The following SERINC5 variants were observed in gnomAD, a reference collection of about 807,000 sequenced individuals.
The protein encoded by SERINC5 is serine incorporator 5.
Under a neutral mutation model 63.1 loss-of-function variants are expected in SERINC5, and 41 were observed. That is an observed-to-expected ratio of 0.65 (90% confidence interval 0.51 to 0.84). The LOEUF (loss-of-function observed/expected upper bound fraction) is 0.84. Ranked by LOEUF, SERINC5 falls within the 40% of genes least tolerant of loss-of-function variation. The pLI, the probability that SERINC5 is intolerant of heterozygous loss-of-function variation, is 0.00. For missense variants in SERINC5, 523 were observed against 573.0 expected, an observed-to-expected ratio of 0.91 and a Z score of 0.89; for synonymous variants, 222 against 215.2, an observed-to-expected ratio of 1.03 and a Z score of -0.28.
chr5:80,139,602 G>C lies in SERINC5; in HGVS notation c.*4061C>G. ...AGTTGTTGAGAAAGAAGAAAAGAGA[G>C]AGAGAGAGAAAGGTCTAAACATCTG... On this transcript the variant is annotated 3_prime_UTR_variant, in exon 12 of 12. Transcript: ENST00000507668. 1 of 985,224 alleles carries C rather than the reference G, an allele frequency of 1.0e-6. No homozygotes were observed. The highest frequency in any genetic ancestry group is 1.2e-6 in the Non-Finnish European group (1 of 829,856). The allele number at this position is 985,224 out of a possible 1,614,324, so 61.0% of individuals were successfully genotyped here. A position where few individuals can be genotyped will look rare whatever the true frequency, so the allele number is the denominator to read the frequency against.
chr5:80,221,975 G>C (rs1255001231), intron 1 of SERINC5, among the ~76,000 whole-genome samples: 1 of 151,860 alleles, frequency 6.6e-6, no homozygotes, highest in Non-Finnish European at 1.5e-5. Context: ...GGAGACATCA[G>C]CTCTACAAAA....
At chr5:80,194,945 C>T (rs1283465812) in intron 2 of SERINC5, among the ~76,000 whole-genome samples, 2 of 152,078 alleles carry the variant, frequency 1.3e-5, no homozygotes, top group African/African-American at 2.4e-5. Flanking sequence ...ACCTGTCAAA[C>T]GACAGGTTTG....
chr5:80,215,862 G>A (rs6878171), intron 1 of SERINC5, among the ~76,000 whole-genome samples: 100,063 of 151,988 alleles, frequency 0.66, 33,297 homozygotes, highest in African/African-American at 0.73. Context: ...TGGGGTTACA[G>A]TGGAGTCTGG....
chr5:80,139,107 A>T lies in SERINC5; in HGVS notation c.*4556T>A. ...ATTTCAAACAGTAGATTTACCACAC[A>T]TATTGCATTTTCAAATTCTAATGTA... On this transcript the variant is annotated 3_prime_UTR_variant, in exon 12 of 12. Transcript: ENST00000507668. The T allele has an allele frequency of 1.0e-6, 1 of 984,672 alleles. No homozygotes were observed. The highest frequency in any genetic ancestry group is 1.2e-6 in the Non-Finnish European group (1 of 829,192). 61.0% of individuals were successfully genotyped at this position (984,672 alleles called of 1,614,324 possible). A position where few individuals can be genotyped will look rare whatever the true frequency, so the allele number is the denominator to read the frequency against.
intron 8 of SERINC5, among the ~76,000 whole-genome samples, chr5:80,153,885 A>G (rs1393784277): frequency 6.6e-6 from 1 of 152,028 alleles, no homozygotes; most frequent in Non-Finnish European, 1.5e-5. Flanking sequence ...TCACACTGGC[A>G]GAAGAATGCA....
At chr5:80,166,582 T>C (rs2112374421) in intron 6 of SERINC5, 104 bp from the exon 7 acceptor site, 2 of 690,926 alleles carry the variant, frequency 2.9e-6, no homozygotes, top group South Asian at 1.7e-5. Flanking sequence ...AACTTGAGCA[T>C]CCACCTTTAA....
intron 8 of SERINC5, among the ~76,000 whole-genome samples, chr5:80,152,569 G>A (rs1356889376): frequency 6.6e-6 from 1 of 152,074 alleles, no homozygotes; most frequent in African/African-American, 2.4e-5. Flanking sequence ...TTTCACAGGG[G>A]AAAAGATAAG....
At position 80,243,556 on chromosome 5, in the gene SERINC5, A is replaced by G. The variant is rs1752039177; in HGVS notation, c.27+12340T>C. Among the ~76,000 whole-genome samples, 3 of 151,898 alleles carry G rather than the reference A, an allele frequency of 2.0e-5. No individual in the cohort carries two copies. In the South Asian group the frequency reaches 6.2e-4, roughly 32 times the overall value. ...GCTTCAGATGGGTCATTAAAAAAAA[A>G]CAGATGCCTTTTAAGGTATCTTCCA... On this transcript the variant is annotated intron_variant, in intron 1 of 11. Transcript: ENST00000507668.
intron 1 of SERINC5, among the ~76,000 whole-genome samples, chr5:80,228,019 C>T (rs189007919): frequency 1.2e-4 from 18 of 148,726 alleles, no homozygotes; most frequent in South Asian, 8.6e-4. Flanking sequence ...CCCAAGAATT[C>T]GAGACCAGCC....
intron 1 of SERINC5, among the ~76,000 whole-genome samples, chr5:80,231,610 C>T (rs553629439): frequency 1.3e-5 from 2 of 150,578 alleles, no homozygotes; most frequent in South Asian, 2.1e-4. Context: ...ATTCTTCCAA[C>T]GTACAGTCAA....
At chr5:80,209,914 G>C (rs1035568054) in intron 1 of SERINC5, among the ~76,000 whole-genome samples, 2 of 151,804 alleles carry the variant, frequency 1.3e-5, no homozygotes, top group Non-Finnish European at 2.9e-5. Flanking sequence ...CAGGCATGGT[G>C]GTGCATGCCG....
chr5:80,154,189 T>C (rs1001318409), intron 8 of SERINC5, among the ~76,000 whole-genome samples: 2 of 152,124 alleles, frequency 1.3e-5, no homozygotes, highest in African/African-American at 2.4e-5. Context: ...CTTTCCTTTT[T>C]TTTTCTGGAG....
chr5:80,121,041 CCA>C (rs1744523610), intron 11 of SERINC5, among the ~76,000 whole-genome samples: 1 of 152,026 alleles, frequency 6.6e-6, no homozygotes, highest in Non-Finnish European at 1.5e-5. Flanking sequence ...GCATGTGCCA[CCA>C]CACCTGGCTA....
downstream of SERINC5, among the ~76,000 whole-genome samples, chr5:80,135,430 G>C (rs181407723): frequency 4.6e-5 from 7 of 152,322 alleles, no homozygotes; most frequent in African/African-American, 1.4e-4. Flanking sequence ...GCTCCACAGG[G>C]ATGGCTCTGT....
chr5:80,203,263 TA>T, intron 1 of SERINC5: 1 of 229,734 alleles, frequency 4.4e-6, no homozygotes, highest in South Asian at 6.3e-5. Flanking sequence ...TACACATATA[TA>T]TATATATGTG....
chr5:80,234,766 C>A (rs558109949), intron 1 of SERINC5, among the ~76,000 whole-genome samples: 1 of 152,176 alleles, frequency 6.6e-6, no homozygotes, highest in Admixed American at 6.5e-5. Flanking sequence ...ATATATGTAC[C>A]TACATACATG....
intron 1 of SERINC5, among the ~76,000 whole-genome samples, chr5:80,236,686 C>A (rs1207151527): frequency 6.6e-6 from 1 of 152,020 alleles, no homozygotes; most frequent in Non-Finnish European, 1.5e-5. Context: ...CCACCACGCC[C>A]AGCTAATTTT....
rs1745496909 is a variant in SERINC5 at position 80,141,429 on chromosome 5, C to T, written c.*2234G>A. 4.1e-6 allele frequency: 4 copies of T among 985,356 alleles called. No homozygotes were observed. Among genetic ancestry groups the T allele is most frequent in the African/African-American group, 1.7e-5 (1 of 57,236 alleles). The allele number at this position is 985,356 out of a possible 1,614,324, so 61.0% of individuals were successfully genotyped here. On this transcript the variant is annotated 3_prime_UTR_variant, in exon 12 of 12. Transcript: ENST00000507668. ...TCACGGCCAGCCAAGGAATACAAGG[C>T]CTTGTCAGCTGGACCTTGACTGCGC...
At chr5:80,179,971 C>CT (rs1748313669) in intron 2 of SERINC5, among the ~76,000 whole-genome samples, 1 of 152,124 alleles carries the variant, frequency 6.6e-6, no homozygotes, top group South Asian at 2.1e-4. Flanking sequence ...TAAGGTACAT[C>CT]TTCCTTATTA....
Sources: gnomAD v4.1 joint callset for allele counts (sites outside exome capture counted in the v4.1 genomes callset) on GRCh38, gnomAD v4.1.1 for gene constraint, MANE v1.5 for transcripts, NCBI Gene and HGNC (gene_info 2026-07-23, HGNC 2026-07-21) for gene names.